The following ZC3H3 variants were observed in gnomAD, a reference collection of about 807,000 sequenced individuals.
ZC3H3 encodes zinc finger CCCH-type containing 3, also known as zinc finger CCCH domain-containing protein 3.
ZC3H3 carries 36 observed loss-of-function variants against 77.3 expected under a neutral mutation model. The observed-to-expected ratio is 0.47, with a 90% CI of 0.36 to 0.61. The LOEUF is 0.61. ZC3H3 is among the 20% of genes least tolerant of loss of function. The pLI is 0.00. For missense variants in ZC3H3, 1,331 were observed against 1,312.2 expected, an observed-to-expected ratio of 1.01 and a Z score of -0.22; for synonymous variants, 626 against 555.2, an observed-to-expected ratio of 1.13 and a Z score of -1.79.
intron 4 of ZC3H3, among the ~76,000 whole-genome samples, chr8:143,498,137 G>A (rs940111959): frequency 1.5e-4 from 23 of 152,210 alleles, no homozygotes; most frequent in Admixed American, 9.8e-4. Context: ...GCTGTGTCAC[G>A]CAGCCTGCTA....
chr8:143,450,427 C>G (rs570116064), intron 9 of ZC3H3, among the ~76,000 whole-genome samples: 9 of 152,328 alleles, frequency 5.9e-5, no homozygotes, highest in African/African-American at 2.2e-4. Flanking sequence ...GTGATCCACC[C>G]ACCTCGGCCT....
intron 3 of ZC3H3, among the ~76,000 whole-genome samples, chr8:143,526,190 T>G (rs928363107): frequency 6.6e-6 from 1 of 152,180 alleles, no homozygotes; most frequent in Non-Finnish European, 1.5e-5. Flanking sequence ...ACATTCTCTG[T>G]CTGCCATCAG....
At chr8:143,441,547 G>T (rs979988676) in intron 9 of ZC3H3, among the ~76,000 whole-genome samples, 1 of 152,094 alleles carries the variant, frequency 6.6e-6, no homozygotes, top group Non-Finnish European at 1.5e-5. Flanking sequence ...GGAGAGGGTG[G>T]GGCAGGTCAG....
chr8:143,475,945 A>G (rs1820722686), intron 4 of ZC3H3, among the ~76,000 whole-genome samples: 1 of 152,174 alleles, frequency 6.6e-6, no homozygotes, highest in Admixed American at 6.5e-5. Flanking sequence ...CCCCGTGGAT[A>G]TAACCACCCC....
At chr8:143,469,862 C>T (rs1338974643) in intron 5 of ZC3H3, among the ~76,000 whole-genome samples, 1 of 152,242 alleles carries the variant, frequency 6.6e-6, no homozygotes, top group Admixed American at 6.5e-5. Flanking sequence ...GATCCAATTT[C>T]CTACAGGGCA....
Position 143,475,548 on chromosome 8 carries a change from C to G in ZC3H3, c.1753G>C (p.Gly585Arg), listed in dbSNP as rs772856401. 10 of 1,609,422 alleles carry G rather than the reference C, an allele frequency of 6.2e-6. 1 individual carries two copies. In the Middle Eastern group the frequency reaches 5.0e-4, roughly 80 times the overall value. ...GAGCCCGGTTGGGCTTTCCCACCCC[C>G]GCTGGCAACTGGACGCAGGCGGTTC... Reference protein sequence around the residue: ...VLNRLRPVASGGGKAQPGSPW... With the variant: ...VLNRLRPVASRGGKAQPGSPW... The change falls in exon 5 of 12, where the codon GGG (glycine) becomes CGG (arginine). Residue 585 changes from glycine to arginine, a missense_variant. Around this residue, in one of 3 missense-constraint regions of ZC3H3, gnomAD observed 978 missense variants for 915.5 expected, o/e 1.07. Transcript: ENST00000262577.
chr8:143,459,481 G>A (rs1050437472), intron 9 of ZC3H3, among the ~76,000 whole-genome samples: 9 of 152,134 alleles, frequency 5.9e-5, no homozygotes, highest in East Asian at 1.9e-4. Context: ...CCTGGGAGGC[G>A]GAGTTTACAG....
At chr8:143,473,408 G>A (rs1188030585) in intron 5 of ZC3H3, among the ~76,000 whole-genome samples, 1 of 152,164 alleles carries the variant, frequency 6.6e-6, no homozygotes, top group Non-Finnish European at 1.5e-5. Flanking sequence ...TGGGCCCCAG[G>A]AATCTTCACT....
chr8:143,509,079 C>T (rs1821796578), intron 3 of ZC3H3, among the ~76,000 whole-genome samples: 2 of 152,132 alleles, frequency 1.3e-5, no homozygotes, highest in African/African-American at 2.4e-5. Context: ...CTCCCTCAGG[C>T]GTTCCCCCAG....
intron 2 of ZC3H3, among the ~76,000 whole-genome samples, chr8:143,537,720 C>G (rs139550128): frequency 2.8e-4 from 42 of 152,226 alleles, no homozygotes; most frequent in Non-Finnish European, 5.6e-4. Context: ...GCAACTGGAA[C>G]GGAAGCTGCC....
intron 9 of ZC3H3, among the ~76,000 whole-genome samples, chr8:143,444,013 T>C (rs998830677): frequency 1.5e-4 from 22 of 151,058 alleles, no homozygotes; most frequent in African/African-American, 5.4e-4. Context: ...CTTGCTCTGT[T>C]GCCCAGGCTG....
At position 143,541,431 on chromosome 8, in the gene ZC3H3, C is replaced by G. The variant is rs773200886; in HGVS notation, c.-10G>C. On this transcript the variant is annotated 5_prime_UTR_variant, in exon 1 of 12. Transcript: ENST00000262577. ...TCTCCTTTTCCTCCATCTCCCGAGT[C>G]CGCGACGGCCGGCCAGGCCCCCACG... The G allele has an allele frequency of 1.9e-5, 30 of 1,611,614 alleles. No individual in the cohort carries two copies. Among genetic ancestry groups the G allele is most frequent in the South Asian group, 6.6e-5 (6 of 90,876 alleles).
Position 143,460,828 on chromosome 8 carries a change from C to T in ZC3H3, c.2307+4889G>A, listed in dbSNP as rs899301582. 1.3e-5 allele frequency among the ~76,000 whole-genome samples: 2 copies of T among 152,150 alleles called. No individual in the cohort carries two copies. The highest frequency in any genetic ancestry group is 4.8e-5 in the African/African-American group (2 of 41,426). The stretch of plus-strand genomic sequence containing the variant: ...ATTCCACTGACGGGACACAGCTAGA[C>T]CCTGGAAACATTACGCTGCGTGAAA... On this transcript the variant is annotated intron_variant, in intron 9 of 11. Transcript: ENST00000262577. The surrounding 1 kb of genome is among the most constrained non-coding windows in gnomAD (Gnocchi z 4.0).
intron 9 of ZC3H3, among the ~76,000 whole-genome samples, chr8:143,465,389 C>T (rs2129866053): frequency 6.6e-6 from 1 of 152,310 alleles, no homozygotes; most frequent in Admixed American, 6.5e-5. Context: ...CACTGCCGCC[C>T]CCAGCAACAT....
intron 11 of ZC3H3, 34 bp downstream of exon 11, chr8:143,440,007 G>C: frequency 6.8e-7 from 1 of 1,464,284 alleles, no homozygotes; most frequent in Non-Finnish European, 9.0e-7. Flanking sequence ...GGTGAGGGGG[G>C]CCCTGGGGGC....
chr8:143,472,968 C>A (rs889975473), intron 5 of ZC3H3, among the ~76,000 whole-genome samples: 1 of 152,196 alleles, frequency 6.6e-6, no homozygotes, highest in African/African-American at 2.4e-5. Context: ...GGCATCCCCT[C>A]CCTGGCTCCA....
rs1819707864 is a variant in ZC3H3 at position 143,440,366 on chromosome 8, G to A, written c.2493-3C>T. On this transcript the variant is annotated splice_polypyrimidine_tract_variant and splice_region_variant and intron_variant, in intron 10 of 11. Transcript: ENST00000262577. ...GGCGCTGGGATGCTGAAGGCTTCCT[G>A]CAGGGAAGGAAGGGGCAGACGTGTG... 4 of 1,520,972 alleles carry A rather than the reference G, an allele frequency of 2.6e-6. No individual in the cohort carries two copies. Among genetic ancestry groups the A allele is most frequent in the Non-Finnish European group, 2.6e-6 (3 of 1,133,304 alleles). 94.2% of individuals were successfully genotyped at this position (1,520,972 alleles called of 1,614,324 possible).
rs1396870101 is a variant in ZC3H3 at position 143,538,435 on chromosome 8, T to C, written c.932A>G (p.Tyr311Cys). The change falls in exon 2 of 12, where the codon TAC becomes TGC. Residue 311 changes from tyrosine to cysteine, a missense_variant. Physicochemically the swap from Tyr to Cys is radical, Grantham distance 194 (BLOSUM62 -2). Coordinates refer to ENST00000262577, the MANE Select transcript of ZC3H3 (RefSeq NM_015117.3). ...CRTNKFRKNNYKWVAASSKSP... is the reference protein window; with the variant it reads ...CRTNKFRKNNCKWVAASSKSP... ...CTTCGAGGAGGCAGCCACCCATTTG[T>C]AGTTGTTTTTCCGGAACTTGTTAGT... 6.2e-7 allele frequency: 1 copy of C among 1,613,220 alleles called. No individual in the cohort carries two copies. The highest frequency in any genetic ancestry group is 8.5e-7 in the Non-Finnish European group (1 of 1,180,042).
chr8:143,536,223 G>T (rs376727120), intron 3 of ZC3H3, 34 bp downstream of exon 3: 1 of 1,590,090 alleles, frequency 6.3e-7, no homozygotes, highest in Non-Finnish European at 8.5e-7. Flanking sequence ...GGCAGGCCCA[G>T]CCCCAGTGCC....
Sources: allele counts gnomAD v4.1 joint callset (sites outside exome capture counted in the v4.1 genomes callset), GRCh38; gene constraint gnomAD v4.1.1; regional missense constraint gnomAD v4.1.1; non-coding constraint Gnocchi (gnomAD v3.1); transcripts MANE v1.5; gene names NCBI Gene and HGNC (gene_info 2026-07-23, HGNC 2026-07-21).